RSRC1: variants seen among roughly 807,000 people sequenced by gnomAD.
RSRC1 encodes serine/Arginine-related protein 53.
In RSRC1, 39 loss-of-function variants were observed where a neutral mutation model predicts 49.1. The ratio of observed to expected loss-of-function variants is 0.79; its 90% CI spans 0.61 to 1.04. The LOEUF (loss-of-function observed/expected upper bound fraction) is 1.04. RSRC1 is among the 50% of genes least tolerant of loss of function. The pLI, the probability that RSRC1 is intolerant of heterozygous loss-of-function variation, is 0.00. For synonymous variants in RSRC1, 143 were observed against 130.8 expected, an observed-to-expected ratio of 1.09 and a Z score of -0.63; for missense variants, 388 against 402.4, an observed-to-expected ratio of 0.96 and a Z score of 0.31.
At chr3:158,494,301 A>G (rs931600319) in intron 7 of RSRC1, among the ~76,000 whole-genome samples, 1 of 152,164 alleles carries the variant, frequency 6.6e-6, no homozygotes, top group Non-Finnish European at 1.5e-5. Context: ...AAACATAGAA[A>G]AGTTTGGTAA....
chr3:158,312,255 T>C (rs139861943), intron 5 of RSRC1, among the ~76,000 whole-genome samples: 4 of 152,256 alleles, frequency 2.6e-5, no homozygotes, highest in Middle Eastern at 3.4e-3. Flanking sequence ...GCAGCATCTC[T>C]TGTGGGTATT....
chr3:158,151,219 G>A (rs570907109), intron 3 of RSRC1, among the ~76,000 whole-genome samples: 37 of 152,254 alleles, frequency 2.4e-4, no homozygotes, highest in African/African-American at 8.7e-4. Flanking sequence ...TGAAGAAAGG[G>A]GTAAATCTGT....
At chr3:158,436,110 A>G (rs1387596193) in intron 6 of RSRC1, among the ~76,000 whole-genome samples, 2 of 151,928 alleles carry the variant, frequency 1.3e-5, no homozygotes, top group East Asian at 3.9e-4. Context: ...TTAGTTCAAT[A>G]AACATTTATC....
intron 6 of RSRC1, among the ~76,000 whole-genome samples, chr3:158,389,911 G>T (rs1324341494): frequency 1.3e-5 from 2 of 152,104 alleles, no homozygotes; most frequent in Non-Finnish European, 2.9e-5. Context: ...CATTTCCAGA[G>T]TGCCCTAAGG....
intron 4 of RSRC1, among the ~76,000 whole-genome samples, chr3:158,284,712 C>T (rs1323716741): frequency 1.3e-4 from 19 of 151,960 alleles, no homozygotes; most frequent in Non-Finnish European, 2.2e-4. Context: ...TGTCTGTTCA[C>T]GTCCTTTGCC....
intron 7 of RSRC1, among the ~76,000 whole-genome samples, chr3:158,502,983 C>G (rs911710727): frequency 2.0e-4 from 31 of 151,956 alleles, no homozygotes; most frequent in African/African-American, 7.3e-4. Context: ...CTGGTTCCTT[C>G]TCATTTGGTT....
At chr3:158,122,731 C>T (rs189355122) in intron 2 of RSRC1, among the ~76,000 whole-genome samples, 3,403 of 151,876 alleles carry the variant, frequency 0.022, 52 homozygotes, top group Non-Finnish European at 0.036. Flanking sequence ...CCTCCCCTAG[C>T]CCCCCACCCC....
chr3:158,187,302 T>C (rs1236638825), intron 3 of RSRC1, among the ~76,000 whole-genome samples: 3 of 151,998 alleles, frequency 2.0e-5, no homozygotes, highest in East Asian at 3.9e-4. Flanking sequence ...TCCTTGGTAA[T>C]AATAGGGGAA....
chr3:158,451,489 T>C (rs1294963445), intron 6 of RSRC1, among the ~76,000 whole-genome samples: 5 of 152,166 alleles, frequency 3.3e-5, no homozygotes, highest in African/African-American at 1.2e-4. Flanking sequence ...CTCTTTTCTT[T>C]CCGGTGTGAC....
At chr3:158,376,367 G>A (rs1385378635) in intron 6 of RSRC1, among the ~76,000 whole-genome samples, 1 of 151,688 alleles carries the variant, frequency 6.6e-6, no homozygotes, top group Admixed American at 6.6e-5. Context: ...TCACCATGTT[G>A]GTCAGGCTGG....
At chr3:158,346,372 T>A (rs1171000924) in intron 5 of RSRC1, among the ~76,000 whole-genome samples, 1 of 152,200 alleles carries the variant, frequency 6.6e-6, no homozygotes, top group Non-Finnish European at 1.5e-5. Context: ...AAAGTCCAGT[T>A]GGATTTTGCA....
At chr3:158,280,836 G>A (rs145205537) in intron 4 of RSRC1, among the ~76,000 whole-genome samples, 57 of 151,974 alleles carry the variant, frequency 3.8e-4, no homozygotes, top group African/African-American at 1.3e-3. Flanking sequence ...TAGTAGAGAC[G>A]GGGTTTCACC....
intron 4 of RSRC1, among the ~76,000 whole-genome samples, chr3:158,205,044 A>G (rs566760445): frequency 1.3e-5 from 2 of 152,150 alleles, no homozygotes; most frequent in Non-Finnish European, 2.9e-5. Flanking sequence ...AAGTGGACCA[A>G]TTTCTGGATG....
intron 4 of RSRC1, among the ~76,000 whole-genome samples, chr3:158,286,961 G>C (rs890731323): frequency 6.6e-6 from 1 of 152,058 alleles, no homozygotes; most frequent in Non-Finnish European, 1.5e-5. Flanking sequence ...CGAGTATCTG[G>C]GACTACAGCT....
intron 4 of RSRC1, among the ~76,000 whole-genome samples, chr3:158,292,089 G>A (rs146491798): frequency 3.4e-4 from 52 of 152,190 alleles, no homozygotes; most frequent in African/African-American, 1.2e-3. Context: ...GTTTATTTTG[G>A]ACAACCTCAG....
chr3:158,489,110 T>C lies in RSRC1; in HGVS notation c.652+28107T>C, dbSNP rs912575292. 7.9e-5 allele frequency among the ~76,000 whole-genome samples: 12 copies of C among 152,218 alleles called. No individual in the cohort carries two copies. In the South Asian group the frequency reaches 8.3e-4, roughly 10 times the overall value. The stretch of plus-strand genomic sequence containing the variant: ...TCCACTTAAAGTTTATTATTTTCAT[T>C]TTACCACTTGGTAGTGGAGTTGGAA... On this transcript the variant is annotated intron_variant, in intron 7 of 9. Transcript: ENST00000611884.
intron 6 of RSRC1, among the ~76,000 whole-genome samples, chr3:158,379,326 G>C (rs1732565299): frequency 6.7e-6 from 1 of 149,882 alleles, no homozygotes; most frequent in Admixed American, 6.7e-5. Flanking sequence ...TCAGCCTCCT[G>C]AGTAGCTGGG....
chr3:158,433,385 T>C (rs1249405318), intron 6 of RSRC1, among the ~76,000 whole-genome samples: 1 of 152,000 alleles, frequency 6.6e-6, no homozygotes, highest in East Asian at 1.9e-4. Context: ...CCAAGTAAGT[T>C]ATTAGAGGCA....
chr3:158,122,359 T>C (rs1425057869), intron 2 of RSRC1, 61 bp downstream of exon 2: 1 of 1,211,976 alleles, frequency 8.3e-7, no homozygotes, highest in Non-Finnish European at 1.1e-6. Context: ...AATTCATGTT[T>C]TTGTATTTTT....
Sources: gnomAD v4.1 joint callset for allele counts (sites outside exome capture counted in the v4.1 genomes callset) on GRCh38, gnomAD v4.1.1 for gene constraint, MANE v1.5 for transcripts, NCBI Gene and HGNC (gene_info 2026-07-23, HGNC 2026-07-21) for gene names.